The following DPP10 variants were observed in gnomAD, a reference collection of about 807,000 sequenced individuals.
DPP10 encodes the protein dipeptidyl peptidase like 10, also known as inactive dipeptidyl peptidase 10.
In DPP10, 33 loss-of-function variants were observed where a neutral mutation model predicts 120.9. The observed-to-expected ratio is 0.27, with a 90% CI of 0.21 to 0.37. The LOEUF (loss-of-function observed/expected upper bound fraction) is 0.37. Ranked by LOEUF, DPP10 falls within the 10% of genes least tolerant of loss-of-function variation. The pLI, the probability that DPP10 is intolerant of heterozygous loss-of-function variation, is 1.00. For missense variants in DPP10, 816 were observed against 942.8 expected, an observed-to-expected ratio of 0.87 and a Z score of 1.76; for synonymous variants, 337 against 326.1, an observed-to-expected ratio of 1.03 and a Z score of -0.36.
chr2:115,488,749 AG>A (rs2075907899), intron 3 of DPP10, among the ~76,000 whole-genome samples: 1 of 120,608 alleles, frequency 8.3e-6, no homozygotes, highest in Non-Finnish European at 1.7e-5. Flanking sequence ...GGGAGGGGGG[AG>A]GGATAGCATT....
At chr2:114,917,493 C>G (rs372785357) in intron 1 of DPP10, among the ~76,000 whole-genome samples, 18 of 151,956 alleles carry the variant, frequency 1.2e-4, no homozygotes, top group Non-Finnish European at 2.5e-4. Flanking sequence ...AAAAAAGGAG[C>G]CTGAATAGCC....
At chr2:115,311,966 G>C (rs951257281) in intron 2 of DPP10, among the ~76,000 whole-genome samples, 1 of 151,920 alleles carries the variant, frequency 6.6e-6, no homozygotes, top group Non-Finnish European at 1.5e-5. Context: ...GTGTTGTCCA[G>C]GCTGGTCTCG....
intron 1 of DPP10, among the ~76,000 whole-genome samples, chr2:114,581,173 C>CTTTTTTTTTTTTTTTTTTTTTTTT (rs70937291): frequency 1.3e-5 from 1 of 77,892 alleles, no homozygotes; most frequent in Non-Finnish European, 2.3e-5. Context: ...TTTTTCTTCT[C>CTTTTTTTTTTTTTTTTTTTTTTTT]TTTTTTTTTT....
At chr2:114,910,176 A>G (rs1220482360) in intron 1 of DPP10, among the ~76,000 whole-genome samples, 3 of 151,918 alleles carry the variant, frequency 2.0e-5, no homozygotes, top group Non-Finnish European at 4.4e-5. Flanking sequence ...ACACACACAT[A>G]TAATTTATAT....
intron 1 of DPP10, among the ~76,000 whole-genome samples, chr2:114,973,019 T>C (rs964164867): frequency 3.3e-5 from 5 of 152,192 alleles, no homozygotes; most frequent in African/African-American, 1.2e-4. Flanking sequence ...TGTTTATTTA[T>C]TTTTATTTTT....
At chr2:115,473,362 C>G (rs934348535) in intron 3 of DPP10, among the ~76,000 whole-genome samples, 2 of 152,128 alleles carry the variant, frequency 1.3e-5, no homozygotes, top group African/African-American at 2.4e-5. Context: ...AAAATGAACT[C>G]TATTAGAGTC....
At position 115,378,575 on chromosome 2, in the gene DPP10, A is replaced by T. The variant is rs1186110772; in HGVS notation, c.271+34663A>T. The stretch of plus-strand genomic sequence containing the variant: ...CTCCTGCCTAATTGCCCTGGCCAGA[A>T]CTTCCAACACTATGTTGAATAGGAG... On this transcript the variant is annotated intron_variant, in intron 3 of 25. Coordinates refer to ENST00000410059, the MANE Select transcript of DPP10 (RefSeq NM_020868.6). Among the ~76,000 whole-genome samples, 8 of 150,428 alleles carry T rather than the reference A, an allele frequency of 5.3e-5. No individual in the cohort carries two copies. In the East Asian group the frequency reaches 1.6e-3, roughly 29 times the overall value.
intron 1 of DPP10, among the ~76,000 whole-genome samples, chr2:114,882,497 G>A (rs970329377): frequency 2.0e-5 from 3 of 149,850 alleles, no homozygotes; most frequent in Non-Finnish European, 4.5e-5. Flanking sequence ...GGACTTTGGG[G>A]ACTATGGAAG....
At chr2:115,389,180 T>C (rs2067155783) in intron 3 of DPP10, among the ~76,000 whole-genome samples, 1 of 152,102 alleles carries the variant, frequency 6.6e-6, no homozygotes, top group African/African-American at 2.4e-5. Flanking sequence ...CATCAGCTTT[T>C]AAAATGTTGA....
chr2:114,562,419 A>G (rs1205300685), intron 1 of DPP10, among the ~76,000 whole-genome samples: 1 of 152,226 alleles, frequency 6.6e-6, no homozygotes, highest in Non-Finnish European at 1.5e-5. Flanking sequence ...ATTTAAAGTC[A>G]GAATAGCATC....
intron 4 of DPP10, among the ~76,000 whole-genome samples, chr2:115,499,870 A>G (rs1031397953): frequency 1.3e-4 from 20 of 152,042 alleles, no homozygotes; most frequent in African/African-American, 4.8e-4. Context: ...AATTTTCCCA[A>G]TATTTTATAT....
chr2:115,365,242 G>A (rs548126956), intron 3 of DPP10, among the ~76,000 whole-genome samples: 82 of 152,060 alleles, frequency 5.4e-4, no homozygotes, highest in Non-Finnish European at 9.7e-4. Context: ...GCATGACAGC[G>A]GGGCAGATGG....
At chr2:114,723,459 C>T (rs1364061827) in intron 1 of DPP10, among the ~76,000 whole-genome samples, 1 of 152,224 alleles carries the variant, frequency 6.6e-6, no homozygotes, top group East Asian at 1.9e-4. Flanking sequence ...TTAGGCAAGA[C>T]TTCTGTCGAC....
chr2:115,758,409 C>A (rs1175970496), intron 11 of DPP10, among the ~76,000 whole-genome samples: 1 of 151,984 alleles, frequency 6.6e-6, no homozygotes, highest in African/African-American at 2.4e-5. Context: ...TTGTGAAATA[C>A]CCCAATACTG....
intron 1 of DPP10, among the ~76,000 whole-genome samples, chr2:114,997,545 A>G (rs1463497220): frequency 6.6e-6 from 1 of 151,904 alleles, no homozygotes; most frequent in Non-Finnish European, 1.5e-5. Context: ...CCTTTCAAGG[A>G]AACATTACCT....
intron 1 of DPP10, among the ~76,000 whole-genome samples, chr2:114,626,245 T>C (rs1157130255): frequency 6.6e-6 from 1 of 151,970 alleles, no homozygotes; most frequent in East Asian, 1.9e-4. Flanking sequence ...TGGTTTATAG[T>C]TCCTGAAGTT....
At chr2:114,473,116 C>T (rs1378511710) in intron 1 of DPP10, among the ~76,000 whole-genome samples, 1 of 152,160 alleles carries the variant, frequency 6.6e-6, no homozygotes, top group Non-Finnish European at 1.5e-5. Flanking sequence ...CTCCTTTGGC[C>T]TTATTCAACT....
chr2:115,780,037 C>T (rs768215043), intron 15 of DPP10, among the ~76,000 whole-genome samples: 6 of 151,830 alleles, frequency 4.0e-5, no homozygotes, highest in African/African-American at 4.8e-5. Context: ...TGTAAATATA[C>T]GACCAAAAAT....
intron 1 of DPP10, among the ~76,000 whole-genome samples, chr2:114,824,530 T>C (rs528266285): frequency 6.6e-6 from 1 of 152,258 alleles, no homozygotes; most frequent in East Asian, 1.9e-4. Context: ...TTCTGTGCCA[T>C]TGTCGGATAG....
Sources: allele counts gnomAD v4.1 joint callset (sites outside exome capture counted in the v4.1 genomes callset), GRCh38; gene constraint gnomAD v4.1.1; transcripts MANE v1.5; gene names NCBI Gene and HGNC (gene_info 2026-07-23, HGNC 2026-07-21).